The following COL8A1 variants were observed in gnomAD, a reference collection of about 807,000 sequenced individuals.
The protein encoded by COL8A1 is collagen type VIII alpha 1 chain, also known as collagen alpha-1(VIII) chain.
Under a neutral mutation model 42.7 loss-of-function variants are expected in COL8A1, and 21 were observed. The observed-to-expected ratio is 0.49, with a 90% CI of 0.35 to 0.71. COL8A1 has a LOEUF of 0.71. COL8A1 is among the 30% of genes least tolerant of loss of function. The probability of loss-of-function intolerance (pLI) is 0.01; values close to 1 mark genes in which losing one functional copy is unlikely to be tolerated. For missense variants in COL8A1, 788 were observed against 962.4 expected, an observed-to-expected ratio of 0.82 and a Z score of 2.40; for synonymous variants, 367 against 369.1, an observed-to-expected ratio of 0.99 and a Z score of 0.06.
intron 1 of COL8A1, among the ~76,000 whole-genome samples, chr3:99,672,546 G>C (rs1193034153): frequency 6.6e-6 from 1 of 151,036 alleles, no homozygotes; most frequent in African/African-American, 2.4e-5. Context: ...TTTATATTTG[G>C]TTCCTTTATT....
chr3:99,733,711 G>A (rs1005912581), intron 1 of COL8A1, among the ~76,000 whole-genome samples: 1 of 151,182 alleles, frequency 6.6e-6, no homozygotes, highest in African/African-American at 2.4e-5. Flanking sequence ...CTAGATCCCT[G>A]AGGAATCGCC....
chr3:99,702,261 G>A (rs1265732393), intron 1 of COL8A1, among the ~76,000 whole-genome samples: 1 of 152,148 alleles, frequency 6.6e-6, no homozygotes, highest in African/African-American at 2.4e-5. Flanking sequence ...CCCATAATGG[G>A]AGAAATAGAG....
Position 99,764,703 on chromosome 3 carries a change from T to TTC in COL8A1, c.-4+19683_-4+19684insCT, listed in dbSNP as rs1287321366. On this transcript the variant is annotated intron_variant, in intron 2 of 3. Transcript: ENST00000652472. The stretch of plus-strand genomic sequence containing the variant: ...TTTTTCTTTTTTTTCTTTTTTTTCT[T>TTC]TTTTTTTTTTTTTTGAGATGGAGTC... Among the ~76,000 whole-genome samples the TTC allele has an allele frequency of 1.5e-4, 22 of 145,380 alleles. No individual in the cohort carries two copies. The South Asian group carries it at 1.6e-3, about 10-fold the overall frequency.
intron 1 of COL8A1, among the ~76,000 whole-genome samples, chr3:99,743,845 T>C (rs1192966670): frequency 1.3e-5 from 2 of 152,212 alleles, no homozygotes; most frequent in Non-Finnish European, 2.9e-5. Flanking sequence ...TTATAACAAA[T>C]ACTGGCTTTC....
intron 1 of COL8A1, among the ~76,000 whole-genome samples, chr3:99,653,523 A>C (rs192717943): frequency 1.1e-4 from 16 of 151,956 alleles, no homozygotes; most frequent in Non-Finnish European, 2.1e-4. Context: ...GTTCACGGGC[A>C]TCTCTCTCCC....
At chr3:99,740,604 G>A (rs1003088242) in intron 1 of COL8A1, among the ~76,000 whole-genome samples, 2 of 152,210 alleles carry the variant, frequency 1.3e-5, no homozygotes, top group East Asian at 1.9e-4. Context: ...GAGGGTAACC[G>A]CCCCCATGAT....
At chr3:99,773,838 T>TATATATATATATATATA (rs57465016) in intron 2 of COL8A1, among the ~76,000 whole-genome samples, 13 of 58,392 alleles carry the variant, frequency 2.2e-4, no homozygotes, top group South Asian at 7.3e-4. Context: ...TATATATATA[T>TATATATATATATATATA]TTTTTTTTTT....
At chr3:99,773,172 T>C (rs556949359) in intron 2 of COL8A1, among the ~76,000 whole-genome samples, 1 of 152,352 alleles carries the variant, frequency 6.6e-6, no homozygotes, top group African/African-American at 2.4e-5. Context: ...AAATTTGTGA[T>C]GTGACTGAAT....
At chr3:99,644,371 G>A (rs1323817479) in intron 1 of COL8A1, among the ~76,000 whole-genome samples, 1 of 152,182 alleles carries the variant, frequency 6.6e-6, no homozygotes, top group Non-Finnish European at 1.5e-5. Context: ...TGGATGTCAA[G>A]TCATTGAAAT....
chr3:99,773,837 A>ATATATATATATATTTTT (rs1200212756), intron 2 of COL8A1, among the ~76,000 whole-genome samples: 12 of 45,400 alleles, frequency 2.6e-4, no homozygotes, highest in African/African-American at 1.5e-3. Context: ...ATATATATAT[A>ATATATATATATATTTTT]TTTTTTTTTT....
chr3:99,733,403 G>GT (rs1472220450), intron 1 of COL8A1, among the ~76,000 whole-genome samples: 1 of 138,968 alleles, frequency 7.2e-6, no homozygotes, highest in Non-Finnish European at 1.6e-5. Flanking sequence ...GTGGTGTTTG[G>GT]TTTTTTGTTC....
chr3:99,738,805 G>A (rs550283440), intron 1 of COL8A1, among the ~76,000 whole-genome samples: 100 of 152,256 alleles, frequency 6.6e-4, no homozygotes, highest in Non-Finnish European at 1.2e-3. Context: ...GAGCAATGGC[G>A]GGCACCCCTC....
At chr3:99,669,458 T>C (rs1266129633) in intron 1 of COL8A1, among the ~76,000 whole-genome samples, 1 of 151,938 alleles carries the variant, frequency 6.6e-6, no homozygotes, top group East Asian at 1.9e-4. Flanking sequence ...TGTAGTTAAA[T>C]TGGAATGGCA....
At position 99,796,300 on chromosome 3, in the gene COL8A1, G is replaced by A. The variant is rs1227051120; in HGVS notation, c.*164G>A. ...ATTGTGTACAAATAAAAACTAAGAT[G>A]CATGTTTAATACTCCACACAGCAGC... On this transcript the variant is annotated 3_prime_UTR_variant, in exon 4 of 4. Transcript: ENST00000652472. 1 of 552,712 alleles carries A rather than the reference G, an allele frequency of 1.8e-6. No homozygotes were observed. The highest frequency in any genetic ancestry group is 3.1e-6 in the Non-Finnish European group (1 of 326,718). 34.2% of individuals were successfully genotyped at this position (552,712 alleles called of 1,614,324 possible). A position where few individuals can be genotyped will look rare whatever the true frequency, so the allele number is the denominator to read the frequency against.
intron 1 of COL8A1, among the ~76,000 whole-genome samples, chr3:99,669,992 T>C (rs942127238): frequency 8.9e-4 from 136 of 152,162 alleles, no homozygotes; most frequent in African/African-American, 3.1e-3. Flanking sequence ...TTCTGTATAA[T>C]TTCTGACTCA....
intron 1 of COL8A1, among the ~76,000 whole-genome samples, chr3:99,640,214 C>T (rs566685661): frequency 3.3e-5 from 5 of 152,260 alleles, no homozygotes; most frequent in African/African-American, 9.6e-5. Flanking sequence ...TATAAAATTA[C>T]TATTGGCCAA....
intron 1 of COL8A1, among the ~76,000 whole-genome samples, chr3:99,710,995 T>A (rs564066320): frequency 6.6e-6 from 1 of 152,212 alleles, no homozygotes; most frequent in Non-Finnish European, 1.5e-5. Flanking sequence ...TCCACCATTT[T>A]GGAACTCTTA....
intron 2 of COL8A1, among the ~76,000 whole-genome samples, chr3:99,747,085 A>G (rs1349994791): frequency 6.6e-6 from 1 of 152,182 alleles, no homozygotes; most frequent in Non-Finnish European, 1.5e-5. Context: ...ATGGAAATAG[A>G]TCATGATAAC....
intron 2 of COL8A1, among the ~76,000 whole-genome samples, chr3:99,759,097 A>T (rs1035205319): frequency 7.8e-6 from 1 of 127,446 alleles, no homozygotes; most frequent in Non-Finnish European, 1.6e-5. Flanking sequence ...CCATCACAAG[A>T]GCCTGTTCCT....
Sources: gnomAD v4.1 joint callset for allele counts (sites outside exome capture counted in the v4.1 genomes callset) on GRCh38, gnomAD v4.1.1 for gene constraint, MANE v1.5 for transcripts, NCBI Gene and HGNC (gene_info 2026-07-23, HGNC 2026-07-21) for gene names.